The following MGAT4C variants were observed in gnomAD, a reference collection of about 807,000 sequenced individuals.
The protein encoded by MGAT4C is MGAT4 family member C.
A neutral mutation model predicts 40.1 loss-of-function variants in MGAT4C; 19 were observed. The observed-to-expected ratio is 0.47, with a 90% CI of 0.33 to 0.70. The LOEUF (loss-of-function observed/expected upper bound fraction) is 0.70, where lower values mean the gene tolerates loss of function less well. Ranked by LOEUF, MGAT4C falls within the 30% of genes least tolerant of loss-of-function variation. MGAT4C has a pLI of 0.02. For synonymous variants in MGAT4C, 181 were observed against 187.1 expected (o/e 0.97, Z 0.27); for missense variants, 491 against 563.2 (o/e 0.87, Z 1.30).
At chr12:85,986,158 A>G (rs1365047766) in intron 3 of MGAT4C, among the ~76,000 whole-genome samples, 1 of 152,246 alleles carries the variant, frequency 6.6e-6, no homozygotes, top group African/African-American at 2.4e-5. Context: ...TAAATAATGC[A>G]ACTTTCACCT....
chr12:86,164,232 A>G (rs1885934284), intron 1 of MGAT4C, among the ~76,000 whole-genome samples: 1 of 152,192 alleles, frequency 6.6e-6, no homozygotes, highest in African/African-American at 2.4e-5. Flanking sequence ...ACCAGGCTGA[A>G]AGATCTGAAG....
chr12:86,406,797 C>T (rs926886700), intron 3 of MGAT4C, among the ~76,000 whole-genome samples: 1 of 152,016 alleles, frequency 6.6e-6, no homozygotes. Flanking sequence ...TATCTCTTCA[C>T]ACACTCAACA....
At chr12:86,788,835 C>T (rs906244183) in intron 1 of MGAT4C, among the ~76,000 whole-genome samples, 2 of 152,036 alleles carry the variant, frequency 1.3e-5, no homozygotes, top group Non-Finnish European at 2.9e-5. Context: ...GAAATCTTGT[C>T]AATGTACAAA....
intron 2 of MGAT4C, among the ~76,000 whole-genome samples, chr12:86,609,476 T>C (rs1962168094): frequency 6.6e-6 from 1 of 152,104 alleles, no homozygotes; most frequent in African/African-American, 2.4e-5. Context: ...AAAAAAAGAC[T>C]ACTGATAAAC....
chr12:86,358,402 G>A (rs1316422946), intron 3 of MGAT4C, among the ~76,000 whole-genome samples: 2 of 152,138 alleles, frequency 1.3e-5, no homozygotes, highest in African/African-American at 2.4e-5. Context: ...ATCGAGGCTA[G>A]GAAGAAACTG....
intron 2 of MGAT4C, among the ~76,000 whole-genome samples, chr12:86,550,092 T>C (rs1015831576): frequency 9.2e-5 from 14 of 152,186 alleles, no homozygotes; most frequent in African/African-American, 3.4e-4. Context: ...GATGGTTTTA[T>C]ATGGGGCTTT....
intron 2 of MGAT4C, among the ~76,000 whole-genome samples, chr12:85,994,408 T>C (rs1886360236): frequency 1.3e-5 from 2 of 152,110 alleles, no homozygotes; most frequent in South Asian, 2.1e-4. Flanking sequence ...TTTACACCCA[T>C]TGTCAGCAGA....
intron 2 of MGAT4C, among the ~76,000 whole-genome samples, chr12:86,649,420 A>T (rs893754849): frequency 6.6e-6 from 1 of 151,794 alleles, no homozygotes; most frequent in Admixed American, 6.6e-5. Flanking sequence ...TTTGAACTCG[A>T]TCAGCTTTAG....
chr12:86,304,356 C>G (rs1337442799), intron 4 of MGAT4C, among the ~76,000 whole-genome samples: 1 of 150,396 alleles, frequency 6.6e-6, no homozygotes, highest in Non-Finnish European at 1.5e-5. Flanking sequence ...TGTGAAAGAG[C>G]TTGAAGGAAA....
chr12:86,692,663 AT>A (rs1239731968), intron 2 of MGAT4C, among the ~76,000 whole-genome samples: 2 of 152,202 alleles, frequency 1.3e-5, no homozygotes, highest in Non-Finnish European at 2.9e-5. Context: ...AAGATTTACT[AT>A]TAAGCCACAA....
chr12:86,821,252 T>C (rs899493271), intron 1 of MGAT4C, among the ~76,000 whole-genome samples: 3 of 150,918 alleles, frequency 2.0e-5, no homozygotes, highest in African/African-American at 4.8e-5. Context: ...GCAGCAACTA[T>C]AAAAGTTCCT....
At chr12:86,261,443 C>T (rs541793300) in intron 4 of MGAT4C, among the ~76,000 whole-genome samples, 14 of 152,006 alleles carry the variant, frequency 9.2e-5, no homozygotes, top group African/African-American at 3.4e-4. Flanking sequence ...TTAACATAAA[C>T]GAAAGTTTAC....
chr12:86,164,532 C>A (rs1209698132), intron 1 of MGAT4C, among the ~76,000 whole-genome samples: 1 of 152,068 alleles, frequency 6.6e-6, no homozygotes, highest in Non-Finnish European at 1.5e-5. Flanking sequence ...ATCAACTAGT[C>A]ACTAAATAGT....
intron 1 of MGAT4C, among the ~76,000 whole-genome samples, chr12:86,171,089 T>C (rs1886779990): frequency 6.7e-6 from 1 of 149,548 alleles, no homozygotes; most frequent in Non-Finnish European, 1.5e-5. Flanking sequence ...TACTATCTTA[T>C]GGCTGGGCGC....
At chr12:86,613,138 G>A (rs1350910625) in intron 2 of MGAT4C, among the ~76,000 whole-genome samples, 6 of 151,600 alleles carry the variant, frequency 4.0e-5, no homozygotes, top group Non-Finnish European at 7.4e-5. Flanking sequence ...CACCAACTTG[G>A]GGCTAAATGA....
chr12:86,592,472 A>AT (rs35830630), intron 2 of MGAT4C, among the ~76,000 whole-genome samples: 1 of 152,136 alleles, frequency 6.6e-6, no homozygotes, highest in Admixed American at 6.6e-5. Flanking sequence ...TAAGTTTCAC[A>AT]TTTTTTAAAA....
chr12:86,519,735 T>C (rs944034038), intron 2 of MGAT4C, among the ~76,000 whole-genome samples: 4 of 152,178 alleles, frequency 2.6e-5, no homozygotes, highest in African/African-American at 9.6e-5. Context: ...ATATTTTACC[T>C]ATTTTTAAAT....
At chr12:86,169,731 A>G (rs1048155115) in intron 1 of MGAT4C, among the ~76,000 whole-genome samples, 3 of 152,176 alleles carry the variant, frequency 2.0e-5, no homozygotes, top group Non-Finnish European at 4.4e-5. Flanking sequence ...CACATCAATA[A>G]TTCAGATCAA....
At chr12:86,331,480 C>T (rs1005219008) in intron 4 of MGAT4C, among the ~76,000 whole-genome samples, 2 of 152,156 alleles carry the variant, frequency 1.3e-5, no homozygotes, top group South Asian at 4.1e-4. Context: ...ACCAGTTAAA[C>T]TCTACCATTC....
Sources: allele counts gnomAD v4.1 joint callset (sites outside exome capture counted in the v4.1 genomes callset), GRCh38; gene constraint gnomAD v4.1.1; transcripts MANE v1.5; gene names NCBI Gene and HGNC (gene_info 2026-07-23, HGNC 2026-07-21).